Variants in PXDNL observed in about 807,000 individuals in gnomAD.
The protein encoded by PXDNL is probable oxidoreductase PXDNL.
In PXDNL, 145 loss-of-function variants were observed where a neutral mutation model predicts 150.8. That is an observed-to-expected ratio of 0.96 (90% CI 0.84 to 1.10). The LOEUF is 1.10. Ranked by LOEUF, PXDNL falls within the 50% of genes least tolerant of loss-of-function variation. PXDNL has a pLI of 0.00. For synonymous variants in PXDNL, 757 were observed against 725.7 expected (o/e 1.04, Z -0.69); for missense variants, 2,087 against 1,873.9 (o/e 1.11, Z -2.10).
At chr8:51,448,040 CCTATCAA>C (rs1809717950) in intron 11 of PXDNL, among the ~76,000 whole-genome samples, 1 of 152,208 alleles carries the variant, frequency 6.6e-6, no homozygotes, top group South Asian at 2.1e-4. Context: ...AAGTCTACCT[CCTATCAA>C]CTAATCTCAT....
At chr8:51,696,619 A>C (rs1816131614) in intron 1 of PXDNL, among the ~76,000 whole-genome samples, 1 of 140,670 alleles carries the variant, frequency 7.1e-6, no homozygotes, top group South Asian at 2.3e-4. Context: ...CAGGAAACAC[A>C]CAGATCCATT....
At chr8:51,352,544 G>T (rs1806385051) in intron 19 of PXDNL, among the ~76,000 whole-genome samples, 1 of 152,114 alleles carries the variant, frequency 6.6e-6, no homozygotes, top group South Asian at 2.1e-4. Flanking sequence ...AGATCTGATG[G>T]TTTAAAAGTA....
intron 3 of PXDNL, among the ~76,000 whole-genome samples, chr8:51,592,340 A>G (rs1813461586): frequency 6.6e-6 from 1 of 152,200 alleles, no homozygotes; most frequent in African/African-American, 2.4e-5. Flanking sequence ...TGAGTAATTA[A>G]ATTTGAATGT....
chr8:51,570,545 C>G (rs1812911635), intron 3 of PXDNL, among the ~76,000 whole-genome samples: 1 of 151,810 alleles, frequency 6.6e-6, no homozygotes, highest in Admixed American at 6.6e-5. Context: ...TTTATCATTG[C>G]CTCCTCATCC....
At chr8:51,416,809 A>G (rs1203950465) in intron 14 of PXDNL, among the ~76,000 whole-genome samples, 2 of 152,228 alleles carry the variant, frequency 1.3e-5, no homozygotes, top group Non-Finnish European at 2.9e-5. Context: ...TCTAAACTAC[A>G]CAAATAGAAA....
At chr8:51,637,139 T>C (rs1285212393) in intron 2 of PXDNL, among the ~76,000 whole-genome samples, 1 of 152,070 alleles carries the variant, frequency 6.6e-6, no homozygotes, top group Non-Finnish European at 1.5e-5. Flanking sequence ...GTCCTGACTA[T>C]TAGAAGGAAA....
At chr8:51,736,296 T>G (rs1410787315) in intron 1 of PXDNL, among the ~76,000 whole-genome samples, 1 of 152,198 alleles carries the variant, frequency 6.6e-6, no homozygotes, top group East Asian at 1.9e-4. Flanking sequence ...AAAATAAATT[T>G]TTTATGTGAG....
intron 17 of PXDNL, among the ~76,000 whole-genome samples, chr8:51,377,445 C>A (rs938060254): frequency 6.6e-6 from 1 of 152,170 alleles, no homozygotes; most frequent in African/African-American, 2.4e-5. Context: ...AGCCCGCCGC[C>A]GCACTGTGGG....
intron 1 of PXDNL, among the ~76,000 whole-genome samples, chr8:51,710,154 G>T (rs1335954840): frequency 2.6e-5 from 4 of 152,196 alleles, no homozygotes; most frequent in Non-Finnish European, 4.4e-5. Flanking sequence ...CACTCCCAGT[G>T]TAGGCTCTGA....
chr8:51,620,576 C>T (rs1186240741), intron 2 of PXDNL, among the ~76,000 whole-genome samples: 4 of 151,518 alleles, frequency 2.6e-5, no homozygotes, highest in Non-Finnish European at 5.9e-5. Flanking sequence ...CAGAGTCTCG[C>T]TCTGTCACCC....
At chr8:51,435,851 A>T in intron 12 of PXDNL, 1 of 456,424 alleles carries the variant, frequency 2.2e-6, no homozygotes, top group Non-Finnish European at 4.4e-6. Flanking sequence ...AGGACTTGAG[A>T]ATGTTGATGC....
intron 17 of PXDNL, among the ~76,000 whole-genome samples, chr8:51,378,919 G>T (rs1807448589): frequency 6.6e-6 from 1 of 152,098 alleles, no homozygotes; most frequent in Non-Finnish European, 1.5e-5. Context: ...TCACGGCGAG[G>T]GTCTGCGACT....
chr8:51,376,925 A>T (rs1807333525), intron 17 of PXDNL, among the ~76,000 whole-genome samples: 1 of 151,946 alleles, frequency 6.6e-6, no homozygotes, highest in Non-Finnish European at 1.5e-5. Context: ...TCACCGTGTT[A>T]GCCAGGATGG....
rs773399170 is a variant in PXDNL at position 51,319,862 on chromosome 8, A to G, written c.*29T>C. On this transcript the variant is annotated 3_prime_UTR_variant, in exon 23 of 23. Coordinates refer to ENST00000356297, the MANE Select transcript of PXDNL (RefSeq NM_144651.5). ...AATGTCTCTTCCTGAGAAATTTCCC[A>G]TTTGGGGCTCAACAGCACAAAACTT... is the stretch of plus-strand genomic sequence containing the variant. 6.9e-6 allele frequency: 10 copies of G among 1,452,008 alleles called. No homozygotes were observed. Among genetic ancestry groups the G allele is most frequent in the Admixed American group, 2.6e-5 (1 of 38,744 alleles). The allele number at this position is 1,452,008 out of a possible 1,614,324, so 89.9% of individuals were successfully genotyped here. A position where few individuals can be genotyped will look rare whatever the true frequency, so the allele number is the denominator to read the frequency against.
At chr8:51,718,603 G>A (rs1351981214) in intron 1 of PXDNL, among the ~76,000 whole-genome samples, 1 of 152,154 alleles carries the variant, frequency 6.6e-6, no homozygotes, top group Non-Finnish European at 1.5e-5. Flanking sequence ...TTGCTTACTA[G>A]TCACATTTGC....
At chr8:51,325,273 T>A (rs1805448077) in intron 21 of PXDNL, among the ~76,000 whole-genome samples, 1 of 152,238 alleles carries the variant, frequency 6.6e-6, no homozygotes, top group Non-Finnish European at 1.5e-5. Flanking sequence ...GTATGATGAA[T>A]AATTTCGTAT....
intron 3 of PXDNL, among the ~76,000 whole-genome samples, chr8:51,564,112 C>T (rs572201867): frequency 2.0e-5 from 3 of 151,892 alleles, no homozygotes; most frequent in Non-Finnish European, 1.5e-5. Context: ...AGGACACTTG[C>T]TATTCAGATT....
intron 1 of PXDNL, among the ~76,000 whole-genome samples, chr8:51,790,187 T>C (rs1432019409): frequency 6.9e-6 from 1 of 144,682 alleles, no homozygotes; most frequent in Non-Finnish European, 1.5e-5. Flanking sequence ...ATTTTTTTCA[T>C]GTTAATTTTC....
chr8:51,452,397 C>T (rs1809826383), intron 10 of PXDNL, among the ~76,000 whole-genome samples: 1 of 152,158 alleles, frequency 6.6e-6, no homozygotes, highest in African/African-American at 2.4e-5. Context: ...GGGATATTAG[C>T]AGTTCTAGGG....
Sources: allele counts gnomAD v4.1 joint callset (sites outside exome capture counted in the v4.1 genomes callset), GRCh38; gene constraint gnomAD v4.1.1; transcripts MANE v1.5; gene names NCBI Gene and HGNC (gene_info 2026-07-23, HGNC 2026-07-21).